The following SFMBT2 variants were observed in gnomAD, a reference collection of about 807,000 sequenced individuals.
The protein encoded by SFMBT2 is Scm like with four mbt domains 2, also known as scm-like with four MBT domains protein 2.
A neutral mutation model predicts 110.1 loss-of-function variants in SFMBT2; 38 were observed. The ratio of observed to expected loss-of-function variants is 0.35; its 90% CI spans 0.27 to 0.45. The LOEUF (loss-of-function observed/expected upper bound fraction) is 0.45, where lower values mean the gene tolerates loss of function less well. Ranked by LOEUF, SFMBT2 falls within the 20% of genes least tolerant of loss-of-function variation. The pLI, the probability that SFMBT2 is intolerant of heterozygous loss-of-function variation, is 1.00. For synonymous variants in SFMBT2, 425 were observed against 425.4 expected, an observed-to-expected ratio of 1.00 and a Z score of 0.01; for missense variants, 1,011 against 1,094.9, an observed-to-expected ratio of 0.92 and a Z score of 1.08.
intron 7 of SFMBT2, among the ~76,000 whole-genome samples, chr10:7,254,744 C>T (rs1443292627): frequency 6.6e-6 from 1 of 152,090 alleles, no homozygotes; most frequent in Non-Finnish European, 1.5e-5. Context: ...AGAAGAATCG[C>T]TTGAACCCGG....
intron 12 of SFMBT2, 154 bp downstream of exon 12, chr10:7,205,661 G>T (rs1027271122): frequency 3.1e-5 from 31 of 985,180 alleles, no homozygotes; most frequent in Non-Finnish European, 3.6e-5. Flanking sequence ...AACACTTAAA[G>T]ATTAAGCGAG....
rs557681268 is a variant in SFMBT2 at position 7,212,170 on chromosome 10, G to A, written c.1331-6242C>T. On this transcript the variant is annotated intron_variant, in intron 11 of 20. Coordinates refer to ENST00000397167, the MANE Select transcript of SFMBT2 (RefSeq NM_001387889.1). ...TTGACTGGGATGTGGAGGGCAGTTTGCTGGAACTCAAGTCAGTCAGTCATA... is the reference window on the plus strand; with the variant it reads ...TTGACTGGGATGTGGAGGGCAGTTTACTGGAACTCAAGTCAGTCAGTCATA... 7.2e-5 allele frequency among the ~76,000 whole-genome samples: 11 copies of A among 152,326 alleles called. No homozygotes were observed. The East Asian group carries it at 2.1e-3, about 29-fold the overall frequency.
chr10:7,320,168 TA>T (rs1205002876), intron 4 of SFMBT2, among the ~76,000 whole-genome samples: 1 of 152,238 alleles, frequency 6.6e-6, no homozygotes, highest in African/African-American at 2.4e-5. Flanking sequence ...CTCATTACTT[TA>T]ATACACTGTC....
intron 4 of SFMBT2, among the ~76,000 whole-genome samples, chr10:7,324,961 C>CTTTTTTTTT (rs869253757): frequency 2.2e-5 from 2 of 92,140 alleles, no homozygotes; most frequent in South Asian, 3.7e-4. Context: ...AGAGGCCCCA[C>CTTTTTTTTT]TTTTTTTTTT....
intron 4 of SFMBT2, among the ~76,000 whole-genome samples, chr10:7,350,534 T>C (rs1421708845): frequency 6.6e-6 from 1 of 152,184 alleles, no homozygotes; most frequent in East Asian, 1.9e-4. Context: ...GGCCATGAAC[T>C]GGCCACGACA....
At chr10:7,250,047 A>G (rs1485777260) in intron 7 of SFMBT2, among the ~76,000 whole-genome samples, 1 of 152,238 alleles carries the variant, frequency 6.6e-6, no homozygotes, top group Admixed American at 6.5e-5. Flanking sequence ...TATATGCAGA[A>G]GGAAAAGTAC....
At chr10:7,219,474 GGC>G (rs1369951070) in intron 11 of SFMBT2, among the ~76,000 whole-genome samples, 1 of 152,170 alleles carries the variant, frequency 6.6e-6, no homozygotes, top group African/African-American at 2.4e-5. Flanking sequence ...TGAGATTGTA[GGC>G]TTATTTAAGA....
intron 20 of SFMBT2, among the ~76,000 whole-genome samples, chr10:7,164,553 C>A (rs188694231): frequency 6.6e-6 from 1 of 152,126 alleles, no homozygotes; most frequent in African/African-American, 2.4e-5. Context: ...GGGCAAGTCA[C>A]TCTCCACCCC....
At position 7,344,693 on chromosome 10, in the gene SFMBT2, G is replaced by A. The variant is rs192943857; in HGVS notation, c.436+22956C>T. Among the ~76,000 whole-genome samples, 18 of 152,110 alleles carry A rather than the reference G, an allele frequency of 1.2e-4. No individual in the cohort carries two copies. The East Asian group carries it at 1.9e-3, about 16-fold the overall frequency. On this transcript the variant is annotated intron_variant, in intron 4 of 20. Coordinates refer to ENST00000397167, the MANE Select transcript of SFMBT2 (RefSeq NM_001387889.1). ...ATTTTTTAAGAGCTATGGGCCAGGCGCGGTGGCTCATGCCTGTAATCCCAG... is the reference window on the plus strand; with the variant it reads ...ATTTTTTAAGAGCTATGGGCCAGGCACGGTGGCTCATGCCTGTAATCCCAG...
chr10:7,250,580 G>T (rs1840774141), intron 7 of SFMBT2, among the ~76,000 whole-genome samples: 2 of 152,156 alleles, frequency 1.3e-5, no homozygotes, highest in African/African-American at 4.8e-5. Context: ...ATAGAATGAT[G>T]TGTTTCCCTT....
At chr10:7,186,473 TAA>T (rs60024077) in intron 16 of SFMBT2, among the ~76,000 whole-genome samples, 2,973 of 148,170 alleles carry the variant, frequency 0.02, 83 homozygotes, top group African/African-American at 0.033. Context: ...TATATATATA[TAA>T]AAATATTTTA....
chr10:7,316,912 C>T (rs1382109075), intron 4 of SFMBT2, among the ~76,000 whole-genome samples: 1 of 152,086 alleles, frequency 6.6e-6, no homozygotes, highest in African/African-American at 2.4e-5. Context: ...GCAAACCACA[C>T]ATACATATGT....
At chr10:7,214,354 T>C (rs547475081) in intron 11 of SFMBT2, among the ~76,000 whole-genome samples, 1 of 152,246 alleles carries the variant, frequency 6.6e-6, no homozygotes, top group East Asian at 1.9e-4. Flanking sequence ...GGATGCTGGG[T>C]ACAAATGAAG....
At chr10:7,238,157 T>C (rs1840317548) in intron 9 of SFMBT2, among the ~76,000 whole-genome samples, 1 of 152,186 alleles carries the variant, frequency 6.6e-6, no homozygotes, top group African/African-American at 2.4e-5. Context: ...TCGATCTGAC[T>C]GCAGTGTTGA....
intron 8 of SFMBT2, among the ~76,000 whole-genome samples, chr10:7,247,513 C>T (rs7905470): frequency 6.6e-6 from 1 of 152,132 alleles, no homozygotes; most frequent in Admixed American, 6.5e-5. Flanking sequence ...ATTTTTATAA[C>T]CAATTTCCAT....
intron 10 of SFMBT2, among the ~76,000 whole-genome samples, chr10:7,225,285 A>G (rs1488228577): frequency 6.6e-6 from 1 of 152,202 alleles, no homozygotes; most frequent in Non-Finnish European, 1.5e-5. Flanking sequence ...TTTACCAAGC[A>G]TTTTACTGTG....
chr10:7,173,555 T>G (rs763912414), intron 17 of SFMBT2, among the ~76,000 whole-genome samples: 4 of 152,262 alleles, frequency 2.6e-5, no homozygotes, highest in Non-Finnish European at 2.9e-5. Context: ...GCTTCTGAAT[T>G]CTACAGCAGA....
intron 4 of SFMBT2, among the ~76,000 whole-genome samples, chr10:7,317,509 C>T (rs1195137130): frequency 1.3e-5 from 2 of 151,886 alleles, no homozygotes; most frequent in South Asian, 2.1e-4. Flanking sequence ...GGCGTGGTGG[C>T]GCATGCCTGT....
Position 7,197,622 on chromosome 10 carries a change from A to G in SFMBT2, c.1624T>C (p.Tyr542His). ...FINHRCFSGP[Y>H]LNKGRIAELP... ...TCTGCAATCCTTCCTTTGTTCAGGTAAGGGCCTGAGAAACACCTGTGGTTG... is the reference window on the plus strand; with the variant it reads ...TCTGCAATCCTTCCTTTGTTCAGGTGAGGGCCTGAGAAACACCTGTGGTTG... The change falls in exon 15 of 21, where the codon TAC (tyrosine) becomes CAC (histidine). Residue 542 changes from tyrosine to histidine, a missense_variant. By Grantham distance (83) the Tyr-to-His change is moderately conservative. Around this residue, in one of 2 missense-constraint regions of SFMBT2, gnomAD observed 979 missense variants for 1,016.1 expected, o/e 0.96. Coordinates refer to ENST00000397167, the MANE Select transcript of SFMBT2 (RefSeq NM_001387889.1). 6.2e-7 allele frequency: 1 copy of G among 1,614,186 alleles called. No individual in the cohort carries two copies. Among genetic ancestry groups the G allele is most frequent in the African/African-American group, 1.3e-5 (1 of 75,042 alleles).
Sources: gnomAD v4.1 joint callset for allele counts (sites outside exome capture counted in the v4.1 genomes callset) on GRCh38, gnomAD v4.1.1 for gene constraint, gnomAD v4.1.1 regional missense constraint, MANE v1.5 for transcripts, NCBI Gene and HGNC (gene_info 2026-07-23, HGNC 2026-07-21) for gene names.